NCOR2: variants seen among roughly 807,000 people sequenced by gnomAD.
NCOR2 encodes the protein nuclear receptor corepressor 2, also known as CTG repeat protein 26.
NCOR2 carries 81 observed loss-of-function variants against 262.9 expected under a neutral mutation model. That is an observed-to-expected ratio of 0.31 (90% CI 0.26 to 0.37). The LOEUF is 0.37. Among genes scored for constraint, NCOR2 ranks in the 10% least tolerant of loss-of-function variants. The pLI, the probability that NCOR2 is intolerant of heterozygous loss-of-function variation, is 1.00. For missense variants in NCOR2, 3,385 were observed against 3,621.4 expected (o/e 0.93, Z 1.68); for synonymous variants, 1,659 against 1,559.3 (o/e 1.06, Z -1.51).
At chr12:124,342,441 C>T (rs1467021018) in intron 33 of NCOR2, among the ~76,000 whole-genome samples, 1 of 152,086 alleles carries the variant, frequency 6.6e-6, no homozygotes, top group African/African-American at 2.4e-5. Flanking sequence ...GCGATCTTGG[C>T]TCACTGCAAG....
chr12:124,413,829 G>C (rs1366416725), intron 13 of NCOR2, among the ~76,000 whole-genome samples: 2 of 152,150 alleles, frequency 1.3e-5, no homozygotes, highest in African/African-American at 4.8e-5. Flanking sequence ...CGGAGGCACT[G>C]AGAGAGAAAG....
At chr12:124,365,435 C>A (rs947470490) in intron 20 of NCOR2, among the ~76,000 whole-genome samples, 2 of 152,248 alleles carry the variant, frequency 1.3e-5, no homozygotes, top group African/African-American at 2.4e-5. Context: ...CTCCTTCCTG[C>A]AGATGAGCAG....
chr12:124,510,539 A>G (rs895080635), intron 1 of NCOR2, among the ~76,000 whole-genome samples: 1 of 152,222 alleles, frequency 6.6e-6, no homozygotes, highest in South Asian at 2.1e-4. Context: ...CAACTTGCCC[A>G]AGGTCACACA....
At chr12:124,449,218 G>T (rs1346871244) in intron 7 of NCOR2, among the ~76,000 whole-genome samples, 1 of 152,142 alleles carries the variant, frequency 6.6e-6, no homozygotes, top group East Asian at 1.9e-4. Context: ...AATGGCAGTG[G>T]CACTTAATTG....
At chr12:124,381,842 G>A (rs2040433044) in intron 17 of NCOR2, among the ~76,000 whole-genome samples, 1 of 152,236 alleles carries the variant, frequency 6.6e-6, no homozygotes, top group Non-Finnish European at 1.5e-5. Context: ...TGGGAGAAAA[G>A]GGTAACCTTC....
rs556429337 is a variant in NCOR2 at position 124,492,676 on chromosome 12, G to A, written c.105+2471C>T. Among the ~76,000 whole-genome samples, 5 of 152,182 alleles carry A rather than the reference G, an allele frequency of 3.3e-5. No individual in the cohort carries two copies. The East Asian group carries it at 7.7e-4, about 24-fold the overall frequency. ...GTGGCTTGATGAGGAGCTCAGGAAG[G>A]GGGTAGTATCTTTCGAACTGGGTCT... is the stretch of plus-strand genomic sequence containing the variant. On this transcript the variant is annotated intron_variant, in intron 1 of 46. Transcript: ENST00000405201.
At position 124,506,104 on chromosome 12, in the gene NCOR2, C is replaced by T. The variant is rs527808018; in HGVS notation, c.-117-10736G>A. ...CTGCACCCCTTCACCCCAGGCAAAG[C>T]AGGCCCCACCTCCACTCCAGGCCAC... On this transcript the variant is annotated intron_variant, in intron 1 of 46. Transcript: ENST00000404621. 3.9e-5 allele frequency among the ~76,000 whole-genome samples: 6 copies of T among 152,230 alleles called. No homozygotes were observed. The South Asian group carries it at 1.0e-3, about 26-fold the overall frequency.
At chr12:124,371,133 GC>G (rs2039472827) in intron 20 of NCOR2, among the ~76,000 whole-genome samples, 1 of 152,004 alleles carries the variant, frequency 6.6e-6, no homozygotes, top group African/African-American at 2.4e-5. Flanking sequence ...GCTCGTAAAG[GC>G]CTTCTCACTG....
intron 2 of NCOR2, among the ~76,000 whole-genome samples, chr12:124,484,998 C>T (rs566530818): frequency 6.6e-6 from 1 of 152,332 alleles, no homozygotes; most frequent in African/African-American, 2.4e-5. Context: ...GCTCACCTCC[C>T]TGGAGGGCCC....
chr12:124,470,265 G>T lies in NCOR2; in HGVS notation c.591+2687C>A, dbSNP rs376350676. ...ATTGCTGGTAAGAATGTAAAATGGG[G>T]CAGCTGATGTGGAAAACAGCCTGGA... On this transcript the variant is annotated intron_variant, in intron 4 of 46. Transcript: ENST00000405201. Among the ~76,000 whole-genome samples the T allele has an allele frequency of 3.9e-5, 6 of 152,198 alleles. No individual in the cohort carries two copies. The South Asian group carries it at 1.2e-3, about 32-fold the overall frequency.
intron 32 of NCOR2, among the ~76,000 whole-genome samples, chr12:124,343,482 T>C (rs924080541): frequency 1.3e-5 from 2 of 152,236 alleles, no homozygotes; most frequent in Non-Finnish European, 1.5e-5. Flanking sequence ...GTGGCAAGCA[T>C]TGTTGTGAGA....
At chr12:124,452,938 C>T (rs1040944492) in intron 6 of NCOR2, among the ~76,000 whole-genome samples, 2 of 152,142 alleles carry the variant, frequency 1.3e-5, no homozygotes, top group African/African-American at 4.8e-5. Flanking sequence ...CTGGGAGGCA[C>T]TCACCAGCCA....
Position 124,420,167 on chromosome 12 carries a change from G to T in NCOR2, c.1384-112C>A. On this transcript the variant is annotated intron_variant, in intron 12 of 46. Coordinates refer to ENST00000405201, the Ensembl canonical transcript of NCOR2. ...CCTGCCTCTTCCACGTACCGGCTGG[G>T]TGACCTCGGACAGATGACCTAACCT... 3 of 823,976 alleles carry T rather than the reference G, an allele frequency of 3.6e-6. No homozygotes were observed. The East Asian group carries it at 7.6e-5, about 21-fold the overall frequency. 51.0% of individuals were successfully genotyped at this position (823,976 alleles called of 1,614,324 possible).
At chr12:124,344,228 A>G (rs1403384401) in intron 32 of NCOR2, among the ~76,000 whole-genome samples, 8 of 152,252 alleles carry the variant, frequency 5.3e-5, no homozygotes, top group African/African-American at 1.7e-4. Context: ...CAGGGCCCCA[A>G]CAGGCAGGCG....
At chr12:124,347,836 G>A in exon 30 of NCOR2, 1 of 1,565,118 alleles carries the variant, frequency 6.4e-7, no homozygotes, top group Non-Finnish European at 8.7e-7. Context: ...TTGTGTGATG[G>A]ACCCGCGGAT....
chr12:124,446,017 GC>G (rs1444658402), intron 7 of NCOR2, among the ~76,000 whole-genome samples: 5 of 152,264 alleles, frequency 3.3e-5, no homozygotes, highest in African/African-American at 9.6e-5. Flanking sequence ...CCTGTGTCCA[GC>G]CACATGGTGG....
intron 4 of NCOR2, 131 bp downstream of exon 6, chr12:124,472,821 G>A (rs1367995893): frequency 5.5e-5 from 66 of 1,209,444 alleles, no homozygotes; most frequent in Admixed American, 5.6e-5. Context: ...TCCAATAAAC[G>A]TAAAGGGCAT....
rs758038755 is a variant in NCOR2, at chr12:124,334,481, G to A, written c.6548C>T (p.Pro2183Leu). ...GGCCGGGGCACCATGGTCCGGGGGCGGGAGGTAGAGGTCACTGGGTGGGCG... is the reference window on the plus strand; with the variant it reads ...GGCCGGGGCACCATGGTCCGGGGGCAGGAGGTAGAGGTCACTGGGTGGGCG... The change falls in exon 41 of 47, where the codon CCG (proline) becomes CTG (leucine). Residue 2183 changes from proline to leucine, a missense_variant. Coordinates refer to ENST00000405201, the Ensembl canonical transcript of NCOR2. 2.0e-5 allele frequency: 29 copies of A among 1,459,638 alleles called. No homozygotes were observed. The highest frequency in any genetic ancestry group is 9.9e-5 in the South Asian group (7 of 70,442). 90.4% of individuals were successfully genotyped at this position (1,459,638 alleles called of 1,614,324 possible). A position where few individuals can be genotyped will look rare whatever the true frequency, so the allele number is the denominator to read the frequency against.
Position 124,449,794 on chromosome 12 carries a change from C to G in NCOR2, c.815+21G>C, listed in dbSNP as rs540502858. On this transcript the variant is annotated intron_variant, in intron 7 of 46. Coordinates refer to ENST00000405201, the Ensembl canonical transcript of NCOR2. ...CCCACCCTGCCTCTGTGTGTCTGCA[C>G]GGCTGCCCGCGAGCACTCACATTTT... 1.9e-6 allele frequency: 3 copies of G among 1,613,556 alleles called. No individual in the cohort carries two copies. In the East Asian group the frequency reaches 6.7e-5, roughly 36 times the overall value.
Sources: allele counts gnomAD v4.1 joint callset (sites outside exome capture counted in the v4.1 genomes callset), GRCh38; gene constraint gnomAD v4.1.1; transcripts MANE v1.5; gene names NCBI Gene and HGNC (gene_info 2026-07-23, HGNC 2026-07-21).